MYO15A: variants seen among roughly 807,000 people sequenced by gnomAD.
MYO15A encodes unconventional myosin-XV.
A neutral mutation model predicts 394.6 loss-of-function variants in MYO15A; 308 were observed. That is an observed-to-expected ratio of 0.78 (90% CI 0.71 to 0.86). The LOEUF is 0.86. Ranked by LOEUF, MYO15A falls within the 40% of genes least tolerant of loss-of-function variation. MYO15A has a pLI of 0.00. For synonymous variants in MYO15A, 1,957 were observed against 2,003.8 expected (o/e 0.98, Z 0.62); for missense variants, 4,606 against 4,799.1 (o/e 0.96, Z 1.19).
rs1418757082 is a variant in MYO15A at position 18,121,761 on chromosome 17, G to A, written c.2961G>A (p.Arg987=). The change falls in exon 2 of 66, where the codon AGG becomes AGA. Residue 987 remains arginine, a synonymous_variant. Coordinates refer to ENST00000647165, the MANE Select transcript of MYO15A (RefSeq NM_016239.4). This position sits in a 1 kb window ranked among gnomAD's most constrained non-coding sequence, Gnocchi z 5.3. ...AGGATCCAGCTGCTGATATGACCAG[G>A]GTCTTCCTGGGCAGACACCATGAGC... is the stretch of plus-strand genomic sequence containing the variant. ...QPEDPAADMT[R]VFLGRHHEPG... is the part of the protein sequence containing the mutation. The A allele has an allele frequency of 5.0e-6, 8 of 1,607,866 alleles. No individual in the cohort carries two copies. In the Admixed American group the frequency reaches 1.0e-4, roughly 20 times the overall value.
In MYO15A at chr17:18,158,253, G is replaced by A. The variant is rs370372029; in HGVS notation, c.8968-270G>A. On this transcript the variant is annotated intron_variant, in intron 51 of 65. Transcript: ENST00000647165. ...GCGGCTTGTGGAGCTAGCGAGGGGC[G>A]GGGTCAGCTGTGACGTGGCAGTTGC... is the stretch of plus-strand genomic sequence containing the variant. 1.7e-4 allele frequency: 100 copies of A among 588,966 alleles called. No homozygotes were observed. In the African/African-American group the frequency reaches 1.7e-3, roughly 10 times the overall value. 36.5% of individuals were successfully genotyped at this position (588,966 alleles called of 1,614,324 possible). A position where few individuals can be genotyped will look rare whatever the true frequency, so the allele number is the denominator to read the frequency against.
chr17:18,154,255 G>A (rs1301951602), intron 44 of MYO15A, 65 bp downstream of exon 44: 2 of 1,578,770 alleles, frequency 1.3e-6, no homozygotes. Context: ...GCAAAGATGA[G>A]CTAGCTGCAA....
At chr17:18,173,540 C>A in intron 64 of MYO15A, 1 of 579,422 alleles carries the variant, frequency 1.7e-6, no homozygotes, top group Admixed American at 2.5e-5. Context: ...TAGAACAGTG[C>A]CTGGTACATG....
rs772536599 is a variant in MYO15A at position 18,119,978 on chromosome 17, A to AC, written c.1185dup (p.Glu396ArgfsTer36). The stretch of plus-strand genomic sequence containing the variant: ...TATGGCGGTGGGGACGAGGCCATCT[A>AC]CCCCCCCGAGGTGCCCTATTTTTAC... On this transcript the variant is annotated frameshift_variant, in exon 2 of 66. Coordinates refer to ENST00000647165, the MANE Select transcript of MYO15A (RefSeq NM_016239.4). LOFTEE classifies it high-confidence loss of function. 3.2e-5 allele frequency: 52 copies of AC among 1,612,170 alleles called. No individual in the cohort carries two copies. Among genetic ancestry groups the AC allele is most frequent in the East Asian group, 2.5e-4 (11 of 44,788 alleles).
rs772479492 is a variant in MYO15A, at chr17:18,155,400, C to T, written c.8427C>T (p.Ala2809=). 1.7e-5 allele frequency: 27 copies of T among 1,613,376 alleles called. No individual in the cohort carries two copies. Among genetic ancestry groups the T allele is most frequent in the East Asian group, 8.9e-5 (4 of 44,894 alleles). The part of the protein sequence containing the change: ...LLRMVKGGQE[A]GGQLRVLRAY... ...GGATGGTCAAGGGTGGCCAGGAGGC[C>T]GGCGGGCAGCTGCGGGTCCTGCGTG... Residue 2809 remains alanine, a synonymous_variant, in exon 47 of 66, where the codon GCC becomes GCT. Transcript: ENST00000647165.
Position 18,133,337 on chromosome 17 carries a change from T to C in MYO15A, c.4433T>C (p.Ile1478Thr), listed in dbSNP as rs752366112. The change falls in exon 12 of 66, where the codon ATC becomes ACC. Residue 1478 changes from isoleucine (I) to threonine (T), a missense_variant. Physicochemically the swap from Ile to Thr is moderately conservative, Grantham distance 89 (BLOSUM62 -1). Transcript: ENST00000647165. ...GAGGACCAGGACAGCATCTTCCGCA[T>C]CCTGGCCTCCATCCTGCACCTGGGC... ...SSEDQDSIFR[I>T]LASILHLGNV... 6.2e-7 allele frequency: 1 copy of C among 1,614,222 alleles called. No homozygotes were observed. Among genetic ancestry groups the C allele is most frequent in the South Asian group, 1.1e-5 (1 of 91,084 alleles).
At chr17:18,115,483 C>A (rs530651631) in intron 1 of MYO15A, among the ~76,000 whole-genome samples, 2 of 152,028 alleles carry the variant, frequency 1.3e-5, no homozygotes. Context: ...CTGGGCGTGG[C>A]GGTGTGTGTC....
At chr17:18,160,916 T>C in intron 56 of MYO15A, 1 of 366,748 alleles carries the variant, frequency 2.7e-6, no homozygotes, top group Admixed American at 3.7e-5. Context: ...CTCCTCAGGA[T>C]TTTTAGAACC....
intron 65 of MYO15A, among the ~76,000 whole-genome samples, chr17:18,175,292 C>CTTTGTTTTTTTTTT (rs2046999376): frequency 1.1e-5 from 1 of 91,288 alleles, no homozygotes; most frequent in African/African-American, 4.2e-5. Flanking sequence ...TCTAGACTAT[C>CTTTGTTTTTTTTTT]TTTTTTTTTT....
intron 19 of MYO15A, 95 bp downstream of exon 19, chr17:18,139,706 T>C (rs2046344941): frequency 7.0e-7 from 1 of 1,424,868 alleles, no homozygotes; most frequent in Non-Finnish European, 9.7e-7. Flanking sequence ...TGTTGCCACG[T>C]CCTGGCTCCG....
intron 45 of MYO15A, 125 bp downstream of exon 45, chr17:18,154,880 C>A (rs1024574497): frequency 1.3e-5 from 15 of 1,141,698 alleles, no homozygotes; most frequent in Admixed American, 2.0e-5. Flanking sequence ...TGCCTCCTTG[C>A]TCTGCTTCTC....
chr17:18,149,380 A>G lies in MYO15A; in HGVS notation c.7117+4A>G. On this transcript the variant is annotated splice_donor_region_variant and intron_variant, in intron 34 of 65. Transcript: ENST00000647165. ...AGAGGGACAGCAACCCACCAAGGTC[A>G]ACCAACAATGGCTGCTGTCTCTGGT... The G allele has an allele frequency of 6.2e-7, 1 of 1,606,972 alleles. No individual in the cohort carries two copies.
chr17:18,178,392 A>C, intron 65 of MYO15A: 1 of 335,484 alleles, frequency 3.0e-6, no homozygotes, highest in Non-Finnish European at 5.8e-6. Context: ...AAGAATTTAC[A>C]TGCAATAAAG....
chr17:18,157,195 A>G lies in MYO15A; in HGVS notation c.8753A>G (p.Tyr2918Cys). The change falls in exon 50 of 66, where the codon TAC (tyrosine) becomes TGC (cysteine). Residue 2918 changes from tyrosine (Y) to cysteine (C), a missense_variant. This residue lies in a region of MYO15A where 2,776 missense variants were observed against 3,109.3 expected (regional missense o/e 0.89). Transcript: ENST00000647165. ...TGCGTGGTTCGCAGGAAGGTGGTGT[A>G]CCTGGAGGAGCTGCGACGTAGAGGC... ...AGCVVRRKVV[Y>C]LEELRRRGPD... 6 of 1,610,372 alleles carry G rather than the reference A, an allele frequency of 3.7e-6. No homozygotes were observed. Among genetic ancestry groups the G allele is most frequent in the Non-Finnish European group, 4.2e-6 (5 of 1,178,402 alleles).
At position 18,159,854 on chromosome 17, in the gene MYO15A, G is replaced by T. The variant is rs142132184; in HGVS notation, c.9304-81G>T. On this transcript the variant is annotated intron_variant, in intron 55 of 65. Transcript: ENST00000647165. ...AGGGACACCAGGCCTGTCTTCAGGT[G>T]CCCACCCTGTTCTTATGTACCTGGT... The T allele has an allele frequency of 3.8e-4, 580 of 1,519,274 alleles. 4 individuals are homozygous for T. The East Asian group carries it at 0.013, about 34-fold the overall frequency. 94.1% of individuals were successfully genotyped at this position (1,519,274 alleles called of 1,614,324 possible). A position where few individuals can be genotyped will look rare whatever the true frequency, so the allele number is the denominator to read the frequency against.
At chr17:18,178,082 T>G (rs1007749938) in intron 65 of MYO15A, 4 of 156,036 alleles carry the variant, frequency 2.6e-5, no homozygotes, top group Admixed American at 1.2e-4. Context: ...TCTAAAGAAT[T>G]TACACGTGGC....
intron 50 of MYO15A, 128 bp from the exon 51 acceptor site, chr17:18,157,594 T>C (rs2046698244): frequency 1.3e-6 from 2 of 1,505,528 alleles, no homozygotes; most frequent in East Asian, 2.3e-5. Context: ...TAAAATGGGT[T>C]TGATGGCCTG....
chr17:18,139,341 C>A, intron 18 of MYO15A, 193 bp from the exon 19 acceptor site: 1 of 679,484 alleles, frequency 1.5e-6, no homozygotes. Flanking sequence ...AGGACAATGT[C>A]CTTCACTGAG....
chr17:18,154,096 G>T, intron 43 of MYO15A, 35 bp from the exon 44 acceptor site: 1 of 1,613,200 alleles, frequency 6.2e-7, no homozygotes, highest in Non-Finnish European at 8.5e-7. Flanking sequence ...CCAGGGGGCA[G>T]TCGGACAGTA....
Sources: gnomAD v4.1 joint callset for allele counts (sites outside exome capture counted in the v4.1 genomes callset) on GRCh38, gnomAD v4.1.1 for gene constraint, gnomAD v4.1.1 regional missense constraint, Gnocchi (gnomAD v3.1) non-coding constraint, MANE v1.5 for transcripts, NCBI Gene and HGNC (gene_info 2026-07-23, HGNC 2026-07-21) for gene names.